The following ADAM2 variants were observed in gnomAD, a reference collection of about 807,000 sequenced individuals.
ADAM2 encodes the protein ADAM metallopeptidase domain 2, also known as disintegrin and metalloproteinase domain-containing protein 2.
ADAM2 carries 101 observed loss-of-function variants against 99.3 expected under a neutral mutation model. That is an observed-to-expected ratio of 1.02 (90% CI 0.87 to 1.20). The LOEUF is 1.20. ADAM2 is among the 50% of genes most tolerant of loss of function. The pLI, the probability that ADAM2 is intolerant of heterozygous loss-of-function variation, is 0.00. For synonymous variants in ADAM2, 323 were observed against 287.6 expected (o/e 1.12, Z -1.25); for missense variants, 948 against 878.7 (o/e 1.08, Z -1.00).
In ADAM2 at chr8:39,787,031, A is replaced by C. The variant is rs775650541; in HGVS notation, c.834T>G (p.Val278=). ...LLVYREKSNY[V]GATFQGKMCD... is the part of the protein sequence containing the mutation. ...ACATCTTCCCTTGAAAGGTTGCACC[A>C]ACATAATTTGACTTTTCTCTGTAAC... The change falls in exon 10 of 21, where the codon GTT becomes GTG. Residue 278 remains valine (V), a synonymous_variant. Coordinates refer to ENST00000265708, the MANE Select transcript of ADAM2 (RefSeq NM_001464.5). 6.3e-7 allele frequency: 1 copy of C among 1,591,632 alleles called. No homozygotes were observed. Among genetic ancestry groups the C allele is most frequent in the South Asian group, 1.2e-5 (1 of 86,282 alleles).
At chr8:39,801,082 G>A (rs1309919818) in intron 7 of ADAM2, among the ~76,000 whole-genome samples, 4 of 152,236 alleles carry the variant, frequency 2.6e-5, no homozygotes, top group Non-Finnish European at 4.4e-5. Flanking sequence ...ATCATTTGGA[G>A]GAGAAGAGGC....
chr8:39,780,199 A>G (rs1172979476), intron 10 of ADAM2, among the ~76,000 whole-genome samples: 3 of 152,242 alleles, frequency 2.0e-5, no homozygotes, highest in Admixed American at 2.0e-4. Context: ...ATCAGGTCTC[A>G]TAAGACTTAT....
intron 14 of ADAM2, among the ~76,000 whole-genome samples, chr8:39,764,588 C>T (rs902334584): frequency 6.6e-6 from 1 of 152,208 alleles, no homozygotes; most frequent in East Asian, 1.9e-4. Flanking sequence ...TTGAGCATTG[C>T]CTTTTGTCTC....
At chr8:39,769,199 A>C (rs1802681813) in intron 12 of ADAM2, among the ~76,000 whole-genome samples, 193 bp downstream of exon 12, 1 of 152,198 alleles carries the variant, frequency 6.6e-6, no homozygotes. Flanking sequence ...ATCCACGTAG[A>C]TCCACAAAGC....
intron 15 of ADAM2, among the ~76,000 whole-genome samples, chr8:39,758,407 G>A (rs1253128101): frequency 6.6e-6 from 1 of 151,924 alleles, no homozygotes; most frequent in African/African-American, 2.4e-5. Flanking sequence ...CAGAGACAGA[G>A]ACAAAGAGAT....
At chr8:39,824,070 G>T (rs1161476253) in intron 4 of ADAM2, among the ~76,000 whole-genome samples, 1 of 152,070 alleles carries the variant, frequency 6.6e-6, no homozygotes, top group African/African-American at 2.4e-5. Context: ...GATCACCTGA[G>T]GTCGGGAGTT....
In ADAM2 at chr8:39,803,746, G is replaced by T. The variant is rs983587462; in HGVS notation, c.570+5664C>A. On this transcript the variant is annotated intron_variant, in intron 7 of 20. Coordinates refer to ENST00000265708, the MANE Select transcript of ADAM2 (RefSeq NM_001464.5). ...TAAGACTAGACTGAAAAGATATTTG[G>T]AGTGGTACTGGGATTAGTAAATACC... Among the ~76,000 whole-genome samples the T allele has an allele frequency of 1.3e-5, 2 of 152,184 alleles. 1 individual carries two copies. The highest frequency in any genetic ancestry group is 1.3e-4 in the Admixed American group (2 of 15,286).
intron 3 of ADAM2, among the ~76,000 whole-genome samples, chr8:39,825,726 A>T (rs1805371948): frequency 6.6e-6 from 1 of 152,148 alleles, no homozygotes; most frequent in Non-Finnish European, 1.5e-5. Context: ...TTAATAAACC[A>T]ATTAACAAAT....
chr8:39,815,351 T>C (rs1700426690), intron 6 of ADAM2, among the ~76,000 whole-genome samples: 1 of 152,178 alleles, frequency 6.6e-6, no homozygotes, highest in African/African-American at 2.4e-5. Flanking sequence ...GGAATAAGGT[T>C]ATAGGATCTT....
At chr8:39,805,320 G>A (rs1015465177) in intron 7 of ADAM2, among the ~76,000 whole-genome samples, 12 of 152,146 alleles carry the variant, frequency 7.9e-5, no homozygotes, top group South Asian at 4.1e-4. Context: ...GGATCTAAAG[G>A]TGACTATGAC....
intron 3 of ADAM2, among the ~76,000 whole-genome samples, chr8:39,825,545 GAC>G (rs1447746605): frequency 6.6e-6 from 1 of 151,502 alleles, no homozygotes; most frequent in Non-Finnish European, 1.5e-5. Context: ...CAAAATTGAT[GAC>G]ACAGTATCAA....
chr8:39,824,291 A>AG lies in ADAM2; in HGVS notation c.267+527_267+528insC, dbSNP rs1446291781. On this transcript the variant is annotated intron_variant, in intron 4 of 20. Transcript: ENST00000265708. ...CTCTATCTCAAAAAAAAAAAAAAAA[A>AG]AAAGAACACTTCAGGCATGACTAAT... Among the ~76,000 whole-genome samples the AG allele has an allele frequency of 1.4e-4, 22 of 151,834 alleles. 1 individual carries two copies. The highest frequency in any genetic ancestry group is 5.3e-4 in the African/African-American group (22 of 41,444).
At chr8:39,819,675 G>C (rs1434856229) in intron 6 of ADAM2, among the ~76,000 whole-genome samples, 1 of 152,124 alleles carries the variant, frequency 6.6e-6, no homozygotes, top group Non-Finnish European at 1.5e-5. Context: ...TCTGCCAGCA[G>C]ACTATGTTGG....
chr8:39,749,371 G>A lies in ADAM2; in HGVS notation c.1955C>T (p.Pro652Leu), dbSNP rs570332311. ...PDCSVQSDLW[P>L]GGSIDSGNFP... ...ATTGCCACTGTCAATACTCCCACCAGGCCATAGATCTGATTGAACTGAGCA... is the reference window on the plus strand; with the variant it reads ...ATTGCCACTGTCAATACTCCCACCAAGCCATAGATCTGATTGAACTGAGCA... Residue 652 changes from proline to leucine, a missense_variant, in exon 18 of 21, where the codon CCT (proline) becomes CTT (leucine). Physicochemically the swap from Pro to Leu is moderately conservative, Grantham distance 98. Coordinates refer to ENST00000265708, the MANE Select transcript of ADAM2 (RefSeq NM_001464.5). 6.2e-6 allele frequency: 10 copies of A among 1,613,346 alleles called. 1 individual carries two copies. In the South Asian group the frequency reaches 1.1e-4, roughly 18 times the overall value.
chr8:39,760,067 A>G (rs1802290523), intron 15 of ADAM2, among the ~76,000 whole-genome samples: 1 of 152,020 alleles, frequency 6.6e-6, no homozygotes, highest in African/African-American at 2.4e-5. Flanking sequence ...GGGATTCACC[A>G]GGTTGGCCAG....
At chr8:39,784,311 T>A (rs1277800005) in intron 10 of ADAM2, among the ~76,000 whole-genome samples, 3 of 152,214 alleles carry the variant, frequency 2.0e-5, no homozygotes, top group Non-Finnish European at 4.4e-5. Context: ...TCTCTGCCCA[T>A]GAGGCACAAA....
chr8:39,764,951 A>G (rs1005540724), intron 14 of ADAM2, among the ~76,000 whole-genome samples: 8 of 152,032 alleles, frequency 5.3e-5, no homozygotes, highest in African/African-American at 2.4e-5. Flanking sequence ...GGAACACGGG[A>G]GGTGAAGGTT....
chr8:39,751,938 T>G (rs1290398109), intron 16 of ADAM2, among the ~76,000 whole-genome samples: 1 of 152,134 alleles, frequency 6.6e-6, no homozygotes, highest in Non-Finnish European at 1.5e-5. Flanking sequence ...GTTCAAGCAA[T>G]TCTCGTGCCT....
At chr8:39,820,023 A>G (rs774008850) in intron 6 of ADAM2, among the ~76,000 whole-genome samples, 1 of 152,160 alleles carries the variant, frequency 6.6e-6, no homozygotes, top group Admixed American at 6.6e-5. Context: ...TAGAGAGAAG[A>G]TAGTTCATGG....
Sources: allele counts gnomAD v4.1 joint callset (sites outside exome capture counted in the v4.1 genomes callset), GRCh38; gene constraint gnomAD v4.1.1; transcripts MANE v1.5; gene names NCBI Gene and HGNC (gene_info 2026-07-23, HGNC 2026-07-21).